The following VDAC2 variants were observed in gnomAD, a reference collection of about 807,000 sequenced individuals.
VDAC2 encodes voltage dependent anion channel 2.
VDAC2 carries 6 observed loss-of-function variants against 36.6 expected under a neutral mutation model. That is an observed-to-expected ratio of 0.16 (90% CI 0.09 to 0.32). The LOEUF is 0.32. Ranked by LOEUF, VDAC2 falls within the 10% of genes least tolerant of loss-of-function variation. VDAC2 has a pLI of 1.00. For missense variants in VDAC2, 247 were observed against 346.0 expected (o/e 0.71, Z 2.27); for synonymous variants, 109 against 123.8 (o/e 0.88, Z 0.79).
upstream of VDAC2, among the ~76,000 whole-genome samples, chr10:75,210,437 C>A (rs893248824): frequency 6.6e-6 from 1 of 152,216 alleles, no homozygotes; most frequent in Non-Finnish European, 1.5e-5. Context: ...GAGAGATCTA[C>A]GTGACCCTGG....
intron 8 of VDAC2, among the ~76,000 whole-genome samples, chr10:75,227,576 A>AGTTTTTTTTTTTTTTTTTTTTTT (rs1841989654): frequency 3.3e-5 from 3 of 90,766 alleles, no homozygotes; most frequent in African/African-American, 1.6e-4. Context: ...AAATAATAGG[A>AGTTTTTTTTTTTTTTTTTTTTTT]ATTTTTTTTT....
Position 75,229,624 on chromosome 10 carries a change from G to T in VDAC2, c.736-20G>T. On this transcript the variant is annotated intron_variant, in intron 8 of 9. Coordinates refer to ENST00000332211, the MANE Select transcript of VDAC2 (RefSeq NM_001391963.1). ...CTATTGAAATATTTTTCTTACAGTT[G>T]TTTTTGTATTTTATTTTAGGCAAAA... 1 of 1,588,272 alleles carries T rather than the reference G, an allele frequency of 6.3e-7. No individual in the cohort carries two copies. Among genetic ancestry groups the T allele is most frequent in the South Asian group, 1.2e-5 (1 of 86,792 alleles).
At chr10:75,218,493 G>A (rs897557510) in intron 4 of VDAC2, among the ~76,000 whole-genome samples, 5 of 152,174 alleles carry the variant, frequency 3.3e-5, no homozygotes, top group Non-Finnish European at 7.3e-5. Context: ...CTGGGGTGGT[G>A]GCTTACGTTT....
intron 9 of VDAC2, among the ~76,000 whole-genome samples, chr10:75,230,337 C>T (rs1313206252): frequency 6.6e-6 from 1 of 152,198 alleles, no homozygotes; most frequent in African/African-American, 2.4e-5. Context: ...AATTTATTAA[C>T]AATTATTAAC....
intron 7 of VDAC2, among the ~76,000 whole-genome samples, chr10:75,221,975 A>G (rs1046811617): frequency 2.0e-5 from 3 of 152,256 alleles, no homozygotes; most frequent in Admixed American, 1.3e-4. Context: ...ATACTTATAT[A>G]TAAAATACGT....
At chr10:75,222,686 CCCTGAGTGGTT>C (rs200285768) in intron 8 of VDAC2, among the ~76,000 whole-genome samples, 3,280 of 152,144 alleles carry the variant, frequency 0.022, 133 homozygotes, top group African/African-American at 0.074. Flanking sequence ...GGTGTTTGGT[CCCTGAGTGGTT>C]CTTACTGTGT....
intron 8 of VDAC2, among the ~76,000 whole-genome samples, chr10:75,222,753 A>T (rs1044422651): frequency 2.6e-5 from 4 of 152,084 alleles, no homozygotes; most frequent in African/African-American, 7.2e-5. Flanking sequence ...TCGAGGCTGG[A>T]CTGCAGTGGC....
At chr10:75,219,006 C>A (rs768249116) in intron 4 of VDAC2, 57 bp from the exon 5 acceptor site, 33 of 1,544,968 alleles carry the variant, frequency 2.1e-5, no homozygotes, top group Non-Finnish European at 2.5e-5. Flanking sequence ...GTGTGTAAGG[C>A]AGTGATGAAT....
intron 8 of VDAC2, among the ~76,000 whole-genome samples, chr10:75,225,854 G>A (rs1295070628): frequency 1.3e-5 from 2 of 151,928 alleles, no homozygotes; most frequent in African/African-American, 2.4e-5. Context: ...GTGCAGTGGC[G>A]TGATCTCGGC....
At chr10:75,226,798 A>G (rs1405617929) in intron 8 of VDAC2, among the ~76,000 whole-genome samples, 2 of 152,106 alleles carry the variant, frequency 1.3e-5, no homozygotes, top group Non-Finnish European at 2.9e-5. Flanking sequence ...TTTCAACCAC[A>G]TCTGAACTTA....
At chr10:75,218,912 G>A in intron 4 of VDAC2, 151 bp from the exon 5 acceptor site, 2 of 754,854 alleles carry the variant, frequency 2.6e-6, no homozygotes, top group Non-Finnish European at 4.1e-6. Flanking sequence ...GAGTAGCACA[G>A]TGCAGAAGGA....
intron 4 of VDAC2, among the ~76,000 whole-genome samples, chr10:75,214,714 G>C (rs1360103522): frequency 6.6e-6 from 1 of 152,104 alleles, no homozygotes; most frequent in Non-Finnish European, 1.5e-5. Flanking sequence ...TAGTAGAGCT[G>C]GGGTTTCACC....
Position 75,211,147 on chromosome 10 carries a change from C to A in VDAC2, c.-12C>A, listed in dbSNP as rs763028522. The A allele has an allele frequency of 1.2e-6, 2 of 1,611,634 alleles. No homozygotes were observed. The highest frequency in any genetic ancestry group is 2.2e-5 in the East Asian group (1 of 44,610). ...TCCCTCCCGCAGATTCCCCTCTTCC[C>A]GCGGCCTCGCCATGGCGACCCACGG... On this transcript the variant is annotated 5_prime_UTR_variant, in exon 2 of 10. Transcript: ENST00000332211.
intron 8 of VDAC2, among the ~76,000 whole-genome samples, chr10:75,227,604 CAG>C (rs1165956176): frequency 1.0e-4 from 5 of 49,214 alleles, no homozygotes; most frequent in African/African-American, 4.5e-4. Context: ...TTTTTGGAGA[CAG>C]AGTCTCACTT....
At chr10:75,220,421 T>A (rs968636843) in intron 6 of VDAC2, among the ~76,000 whole-genome samples, 12 of 152,240 alleles carry the variant, frequency 7.9e-5, no homozygotes, top group African/African-American at 2.9e-4. Flanking sequence ...TATCTGCTTT[T>A]AGAATACTAT....
intron 2 of VDAC2, chr10:75,211,754 C>G (rs1841430752): frequency 6.9e-7 from 1 of 1,440,082 alleles, no homozygotes. Context: ...ATTTAAATTC[C>G]CAGTATTAAA....
chr10:75,211,049 C>A, intron 1 of VDAC2, 85 bp from the exon 2 acceptor site: 1 of 1,303,566 alleles, frequency 7.7e-7, no homozygotes, highest in East Asian at 2.8e-5. Context: ...GGCCGCGCTG[C>A]CCCGCGGCCC....
At chr10:75,213,787 T>G (rs1841508967) in intron 3 of VDAC2, among the ~76,000 whole-genome samples, 1 of 152,184 alleles carries the variant, frequency 6.6e-6, no homozygotes, top group Non-Finnish European at 1.5e-5. Context: ...AGCATTCTTT[T>G]GTGTACCAAC....
chr10:75,213,913 ACCT>A, intron 3 of VDAC2, 105 bp from the exon 4 acceptor site: 1 of 1,052,032 alleles, frequency 9.5e-7, no homozygotes, highest in South Asian at 1.4e-5. Context: ...ATTTTTATCC[ACCT>A]CTGAATATGT....
Sources: gnomAD v4.1 joint callset for allele counts (sites outside exome capture counted in the v4.1 genomes callset) on GRCh38, gnomAD v4.1.1 for gene constraint, MANE v1.5 for transcripts, NCBI Gene and HGNC (gene_info 2026-07-23, HGNC 2026-07-21) for gene names.